Variants in VMP1 observed in about 807,000 individuals in gnomAD.
The protein encoded by VMP1 is ectopic P-granules autophagy protein 3 homolog.
In VMP1, 11 loss-of-function variants were observed where a neutral mutation model predicts 56.0. The observed-to-expected ratio is 0.20, with a 90% CI of 0.12 to 0.32. The LOEUF is 0.32. VMP1 is among the 10% of genes least tolerant of loss of function. VMP1 has a pLI of 1.00. For missense variants in VMP1, 296 were observed against 490.3 expected, an observed-to-expected ratio of 0.60 and a Z score of 3.74; for synonymous variants, 149 against 165.0, an observed-to-expected ratio of 0.90 and a Z score of 0.74.
chr17:59,710,233 A>G (rs1309451541), intron 1 of VMP1, among the ~76,000 whole-genome samples: 3 of 152,306 alleles, frequency 2.0e-5, no homozygotes, highest in African/African-American at 7.2e-5. Flanking sequence ...ACTGAAACCA[A>G]TATTTAGAAT....
At chr17:59,769,537 A>C (rs1471623480) in intron 6 of VMP1, among the ~76,000 whole-genome samples, 1 of 152,162 alleles carries the variant, frequency 6.6e-6, no homozygotes, top group Non-Finnish European at 1.5e-5. Context: ...CTTTGAATAA[A>C]TCTTTGAATG....
chr17:59,783,126 G>A (rs1463759150), intron 7 of VMP1, among the ~76,000 whole-genome samples: 1 of 152,144 alleles, frequency 6.6e-6, no homozygotes, highest in Non-Finnish European at 1.5e-5. Flanking sequence ...AACCTGGGAG[G>A]TGGAGCTAGC....
intron 4 of VMP1, among the ~76,000 whole-genome samples, chr17:59,738,176 A>C (rs1226775765): frequency 3.9e-5 from 6 of 152,232 alleles, no homozygotes; most frequent in African/African-American, 1.4e-4. Context: ...TGACCCATCC[A>C]AATAGGTAGG....
At chr17:59,744,570 G>A (rs2035354008) in intron 5 of VMP1, among the ~76,000 whole-genome samples, 1 of 149,982 alleles carries the variant, frequency 6.7e-6, no homozygotes, top group African/African-American at 2.5e-5. Flanking sequence ...AAGGATCCCT[G>A]CTTGAGACCA....
rs566734665 is a variant in VMP1 at position 59,831,782 on chromosome 17, AT to A, written c.975-6509del. On this transcript the variant is annotated intron_variant, in intron 10 of 11. Coordinates refer to ENST00000262291, the MANE Select transcript of VMP1 (RefSeq NM_030938.5). The stretch of plus-strand genomic sequence containing the variant: ...TTTTTTTCTTTAAATAAAAAAAAAA[AT>A]TTTATTTGCATTCCTGAGTTTTTTT... Among the ~76,000 whole-genome samples, 388 of 112,570 alleles carry A rather than the reference AT, an allele frequency of 3.4e-3. 1 individual carries two copies. Among genetic ancestry groups the A allele is most frequent in the African/African-American group, 0.012 (347 of 28,594 alleles). The allele number at this position is 112,570 out of a possible 152,430, so 73.9% of individuals were successfully genotyped here. A position where few individuals can be genotyped will look rare whatever the true frequency, so the allele number is the denominator to read the frequency against.
chr17:59,764,472 T>A (rs2036164941), intron 5 of VMP1, among the ~76,000 whole-genome samples: 7 of 152,116 alleles, frequency 4.6e-5, no homozygotes, highest in Admixed American at 4.6e-4. Context: ...TACAGGCACA[T>A]GCCACAATGC....
intron 7 of VMP1, among the ~76,000 whole-genome samples, chr17:59,788,363 G>A (rs548531967): frequency 8.6e-5 from 13 of 151,704 alleles, no homozygotes; most frequent in African/African-American, 2.9e-4. Flanking sequence ...GGAGAGCTCC[G>A]GTAGTCCCAG....
chr17:59,740,464 T>C (rs1319531648), intron 5 of VMP1, among the ~76,000 whole-genome samples: 3 of 152,232 alleles, frequency 2.0e-5, no homozygotes, highest in African/African-American at 7.2e-5. Context: ...AATGAATTCA[T>C]CTCTGAAGCA....
chr17:59,729,238 A>G (rs1444650068), intron 1 of VMP1, among the ~76,000 whole-genome samples: 1 of 152,168 alleles, frequency 6.6e-6, no homozygotes, highest in Non-Finnish European at 1.5e-5. Context: ...TAATCCCAGC[A>G]CTTTGTGAGG....
chr17:59,765,493 C>T (rs2036199059), intron 6 of VMP1, among the ~76,000 whole-genome samples: 1 of 152,142 alleles, frequency 6.6e-6, no homozygotes, highest in Non-Finnish European at 1.5e-5. Context: ...TCCCCAAAAA[C>T]TTAACTGCTA....
intron 7 of VMP1, among the ~76,000 whole-genome samples, chr17:59,801,090 AAAT>A (rs1320426549): frequency 1.9e-4 from 22 of 117,074 alleles, no homozygotes; most frequent in African/African-American, 8.7e-4. Context: ...GAAAAAAAAA[AAAT>A]ATATATATAT....
chr17:59,779,524 C>G (rs2036745024), intron 7 of VMP1, among the ~76,000 whole-genome samples: 1 of 152,178 alleles, frequency 6.6e-6, no homozygotes, highest in Non-Finnish European at 1.5e-5. Context: ...CCTGTACGCT[C>G]TCAGGTATAA....
At chr17:59,711,263 T>G (rs949457746) in intron 1 of VMP1, among the ~76,000 whole-genome samples, 2 of 152,180 alleles carry the variant, frequency 1.3e-5, no homozygotes, top group African/African-American at 4.8e-5. Context: ...GAGTTAATTC[T>G]TTGCATTGTT....
intron 1 of VMP1, among the ~76,000 whole-genome samples, chr17:59,720,005 A>G (rs910613597): frequency 6.6e-6 from 1 of 152,244 alleles, no homozygotes; most frequent in Non-Finnish European, 1.5e-5. Flanking sequence ...TCTCAACCCC[A>G]TCCACAGACC....
intron 10 of VMP1, chr17:59,834,115 C>T (rs1161297431): frequency 1.3e-5 from 2 of 151,910 alleles, no homozygotes; most frequent in South Asian, 2.1e-4. Flanking sequence ...GCCACCAAAC[C>T]TGGCTTATTT....
chr17:59,783,521 C>T (rs774287158), intron 7 of VMP1, among the ~76,000 whole-genome samples: 1 of 152,184 alleles, frequency 6.6e-6, no homozygotes, highest in Non-Finnish European at 1.5e-5. Flanking sequence ...AAAGTTAGGT[C>T]TAGATAGCTG....
intron 1 of VMP1, among the ~76,000 whole-genome samples, chr17:59,716,756 C>T (rs2034168116): frequency 6.7e-6 from 1 of 150,292 alleles, no homozygotes; most frequent in African/African-American, 2.4e-5. Context: ...TTACATACAT[C>T]CAAAACTCTA....
At chr17:59,725,392 T>G (rs1460225727) in intron 1 of VMP1, among the ~76,000 whole-genome samples, 1 of 152,172 alleles carries the variant, frequency 6.6e-6, no homozygotes, top group East Asian at 1.9e-4. Context: ...AAGGGAATTT[T>G]GAAAGGCAAG....
At chr17:59,815,580 G>A (rs1351364840) in intron 9 of VMP1, among the ~76,000 whole-genome samples, 1 of 152,180 alleles carries the variant, frequency 6.6e-6, no homozygotes, top group Non-Finnish European at 1.5e-5. Context: ...CTGGCCGGGT[G>A]CGGTGGCTCA....
Sources: allele counts gnomAD v4.1 joint callset (sites outside exome capture counted in the v4.1 genomes callset), GRCh38; gene constraint gnomAD v4.1.1; transcripts MANE v1.5; gene names NCBI Gene and HGNC (gene_info 2026-07-23, HGNC 2026-07-21).